Variants in KDM5B observed in about 807,000 individuals in gnomAD.
The protein encoded by KDM5B is lysine-specific demethylase 5B.
In KDM5B, 144 loss-of-function variants were observed where a neutral mutation model predicts 193.4. That is an observed-to-expected ratio of 0.74 (90% CI 0.65 to 0.86). The LOEUF (loss-of-function observed/expected upper bound fraction) is 0.86. Among genes scored for constraint, KDM5B ranks in the 40% least tolerant of loss-of-function variants. The pLI is 0.00. For missense variants in KDM5B, 1,833 were observed against 1,886.9 expected (o/e 0.97, Z 0.53); for synonymous variants, 668 against 682.6 (o/e 0.98, Z 0.33).
rs1259512686 is a variant in KDM5B at position 202,725,120 on chromosome 1, CT to C, written c.*3915del. On this transcript the variant is annotated 3_prime_UTR_variant, in exon 27 of 27. Coordinates refer to ENST00000367265, the MANE Select transcript of KDM5B (RefSeq NM_006618.5). ...CACCGAAACTCACCACTTTCTAGCC[CT>C]TCATCCTTGCAAAATTAACCCAGAA... 3.9e-5 allele frequency: 6 copies of C among 152,198 alleles called. No individual in the cohort carries two copies. Among genetic ancestry groups the C allele is most frequent in the Non-Finnish European group, 8.8e-5 (6 of 68,034 alleles). 9.4% of individuals were successfully genotyped at this position (152,198 alleles called of 1,614,324 possible). A position where few individuals can be genotyped will look rare whatever the true frequency, so the allele number is the denominator to read the frequency against.
Position 202,745,964 on chromosome 1 carries a change from A to T in KDM5B, c.2217T>A (p.Asp739Glu), listed in dbSNP as rs1655537935. The part of the protein sequence containing the change: ...KYKLRYRYTL[D>E]DLYPMMNALK... ...ATGCATTCATCATAGGGTAGAGATC[A>T]TCCAGCGTGTACCTATACCTGGAAA... The change falls in exon 16 of 27, where the codon GAT (aspartate) becomes GAA (glutamate). Residue 739 changes from aspartate (D) to glutamate (E), a missense_variant. Transcript: ENST00000367265. 2 of 1,613,992 alleles carry T rather than the reference A, an allele frequency of 1.2e-6. No individual in the cohort carries two copies. Among genetic ancestry groups the T allele is most frequent in the Non-Finnish European group, 1.7e-6 (2 of 1,179,846 alleles).
intron 1 of KDM5B, among the ~76,000 whole-genome samples, chr1:202,786,107 C>T (rs1657399937): frequency 6.7e-6 from 1 of 149,124 alleles, no homozygotes; most frequent in African/African-American, 2.5e-5. Context: ...TCAAGTGATC[C>T]TCCCACCTCA....
intron 1 of KDM5B, among the ~76,000 whole-genome samples, chr1:202,790,108 AC>A (rs1178375560): frequency 6.6e-6 from 1 of 152,064 alleles, no homozygotes; most frequent in African/African-American, 2.4e-5. Flanking sequence ...TACTAAAAAT[AC>A]AAAAAATTAG....
intron 1 of KDM5B, among the ~76,000 whole-genome samples, chr1:202,781,929 TAA>T (rs1412360758): frequency 2.6e-5 from 4 of 152,212 alleles, no homozygotes; most frequent in Non-Finnish European, 5.9e-5. Context: ...AACACAATTA[TAA>T]AGATATTTGA....
At chr1:202,739,598 T>C (rs1655227406) in intron 20 of KDM5B, among the ~76,000 whole-genome samples, 1 of 152,020 alleles carries the variant, frequency 6.6e-6, no homozygotes, top group South Asian at 2.1e-4. Flanking sequence ...GGTCTCTGGT[T>C]TTCCTAGGCA....
Position 202,735,451 on chromosome 1 carries a change from T to TCAAC in KDM5B, c.3400_3401insGTTG (p.Glu1134GlyfsTer2). The TCAAC allele has an allele frequency of 6.2e-7, 1 of 1,613,804 alleles. No homozygotes were observed. The highest frequency in any genetic ancestry group is 8.5e-7 in the Non-Finnish European group (1 of 1,179,920). On this transcript the variant is annotated stop_gained and frameshift_variant, in exon 22 of 27. Coordinates refer to ENST00000367265, the MANE Select transcript of KDM5B (RefSeq NM_006618.5). LOFTEE classifies it high-confidence loss of function. ...TACAGCTGAAGCAGTCTCCTTGCTT[T>TCAAC]CAGTTAAAGCTCTCTCCAGGTCACT...
intron 20 of KDM5B, among the ~76,000 whole-genome samples, chr1:202,737,477 A>G (rs1655138231): frequency 2.0e-5 from 3 of 152,228 alleles, no homozygotes; most frequent in Admixed American, 6.5e-5. Context: ...ATGGAGGATG[A>G]AATGCATTGG....
intron 1 of KDM5B, among the ~76,000 whole-genome samples, chr1:202,778,229 A>G (rs1657043718): frequency 6.6e-6 from 1 of 152,114 alleles, no homozygotes; most frequent in Non-Finnish European, 1.5e-5. Context: ...ACTGTTCTCT[A>G]GAGGAGAATT....
chr1:202,771,798 T>C (rs1656730743), intron 4 of KDM5B, among the ~76,000 whole-genome samples: 1 of 152,044 alleles, frequency 6.6e-6, no homozygotes, highest in Non-Finnish European at 1.5e-5. Context: ...GCCAGGATGG[T>C]CTCCATCTCT....
rs1297184533 is a variant in KDM5B, at chr1:202,742,774, T to C, written c.2355A>G (p.Glu785=). The change falls in exon 17 of 27, where the codon GAA becomes GAG. Residue 785 remains glutamate, a synonymous_variant. Transcript: ENST00000367265. Reference sequence around the variant, plus strand: ...TGTCTGGGAATTTCTTCATTTCAGATTCTTCAATTAAAGCCTTGAAGCTGA... The same window carrying C: ...TGTCTGGGAATTTCTTCATTTCAGACTCTTCAATTAAAGCCTTGAAGCTGA... ...SLVSFKALIE[E]SEMKKFPDND... is the part of the protein sequence containing the mutation. 2 of 1,614,052 alleles carry C rather than the reference T, an allele frequency of 1.2e-6. No individual in the cohort carries two copies. The highest frequency in any genetic ancestry group is 2.2e-5 in the East Asian group (1 of 44,900).
At chr1:202,736,619 G>T (rs1364826790) in intron 20 of KDM5B, among the ~76,000 whole-genome samples, 2 of 151,712 alleles carry the variant, frequency 1.3e-5, no homozygotes, top group Non-Finnish European at 2.9e-5. Context: ...TGGGTCTTTT[G>T]TTGGTGGTGG....
intron 1 of KDM5B, chr1:202,796,342 G>A (rs1015588079): frequency 5.7e-6 from 2 of 351,452 alleles, no homozygotes; most frequent in Non-Finnish European, 1.1e-5. Flanking sequence ...CACCTTGGAT[G>A]CCTCTGTGAA....
In KDM5B at chr1:202,756,341, GC is replaced by G; in HGVS notation, c.1356+16del. Reference sequence around the variant, plus strand: ...TTTCAATAAATACCTCAATTTCCAAGCCACTTATATGCCTACCTCTTCCTCA... The same window carrying G: ...TTTCAATAAATACCTCAATTTCCAAGCACTTATATGCCTACCTCTTCCTCA... On this transcript the variant is annotated intron_variant, in intron 10 of 26. Transcript: ENST00000367265. 1 of 1,563,858 alleles carries G rather than the reference GC, an allele frequency of 6.4e-7. No homozygotes were observed. The highest frequency in any genetic ancestry group is 8.7e-7 in the Non-Finnish European group (1 of 1,155,482).
In KDM5B at chr1:202,741,331, C is replaced by G. The variant is rs550741199; in HGVS notation, c.2945+36G>C. 16 of 1,453,658 alleles carry G rather than the reference C, an allele frequency of 1.1e-5. No homozygotes were observed. The East Asian group carries it at 2.1e-4, about 19-fold the overall frequency. The allele number at this position is 1,453,658 out of a possible 1,614,324, so 90.0% of individuals were successfully genotyped here. ...TGTGTTTAAGCTGGAGATAACTGTC[C>G]AACCTTCCCAAAGAAAGAGAAGTCT... On this transcript the variant is annotated intron_variant, in intron 19 of 26. Transcript: ENST00000367265.
chr1:202,750,786 G>C lies in KDM5B; in HGVS notation c.1702-8C>G, dbSNP rs748986246. 3.7e-5 allele frequency: 60 copies of C among 1,609,962 alleles called. No individual in the cohort carries two copies. The highest frequency in any genetic ancestry group is 4.9e-5 in the Non-Finnish European group (58 of 1,178,060). On this transcript the variant is annotated splice_region_variant and splice_polypyrimidine_tract_variant and intron_variant, in intron 12 of 26. Transcript: ENST00000367265. ...CTGATTAGTTCGGTAAACCTAAAGA[G>C]ACAGAAATTGAAGATTTTTGAGTTT...
chr1:202,752,020 G>T (rs10920473), intron 12 of KDM5B, among the ~76,000 whole-genome samples: 17,119 of 152,136 alleles, frequency 0.11, 1,232 homozygotes, highest in Middle Eastern at 0.2. Flanking sequence ...CCTTTCTGTT[G>T]TCTCCATTGA....
chr1:202,779,741 C>T (rs554774129), intron 1 of KDM5B, among the ~76,000 whole-genome samples: 3 of 150,086 alleles, frequency 2.0e-5, no homozygotes, highest in African/African-American at 4.9e-5. Context: ...AGGTGGAGGT[C>T]GCAGTGAGCC....
At chr1:202,807,981 C>T (rs1166492095) in intron 1 of KDM5B, 121 bp downstream of exon 1, 1 of 1,040,694 alleles carries the variant, frequency 9.6e-7, no homozygotes, top group Non-Finnish European at 1.3e-6. Context: ...CAGCCCCAAA[C>T]TTGACGAGGC....
At chr1:202,769,498 C>T (rs1424607224) in intron 4 of KDM5B, among the ~76,000 whole-genome samples, 1 of 150,604 alleles carries the variant, frequency 6.6e-6, no homozygotes, top group East Asian at 2.0e-4. Context: ...ACTGAAACCC[C>T]GTCCTTACTA....
Sources: gnomAD v4.1 joint callset for allele counts (sites outside exome capture counted in the v4.1 genomes callset) on GRCh38, gnomAD v4.1.1 for gene constraint, MANE v1.5 for transcripts, NCBI Gene and HGNC (gene_info 2026-07-23, HGNC 2026-07-21) for gene names.